Variants in SLC41A2 observed in about 807,000 individuals in gnomAD.
SLC41A2 encodes SLC41A1-like 1.
A neutral mutation model predicts 58.3 loss-of-function variants in SLC41A2; 32 were observed. That is an observed-to-expected ratio of 0.55 (90% CI 0.41 to 0.74). The LOEUF (loss-of-function observed/expected upper bound fraction) is 0.74. Among genes scored for constraint, SLC41A2 ranks in the 30% least tolerant of loss-of-function variants. SLC41A2 has a pLI of 0.00. For missense variants in SLC41A2, 514 were observed against 680.6 expected, an observed-to-expected ratio of 0.76 and a Z score of 2.72; for synonymous variants, 190 against 235.0, an observed-to-expected ratio of 0.81 and a Z score of 1.75.
At chr12:104,845,732 G>T (rs966109461) in intron 9 of SLC41A2, 111 bp downstream of exon 9, 1 of 1,119,044 alleles carries the variant, frequency 8.9e-7, no homozygotes, top group African/African-American at 1.6e-5. Flanking sequence ...CTCAGAAATC[G>T]GAAAGTTGAG....
At chr12:104,889,805 T>C (rs2044859470) in intron 4 of SLC41A2, among the ~76,000 whole-genome samples, 1 of 152,082 alleles carries the variant, frequency 6.6e-6, no homozygotes, top group Non-Finnish European at 1.5e-5. Context: ...AAAATTTCAG[T>C]TCCTAATCAG....
intron 6 of SLC41A2, among the ~76,000 whole-genome samples, chr12:104,870,413 A>C (rs1366100922): frequency 6.6e-6 from 1 of 152,232 alleles, no homozygotes; most frequent in Non-Finnish European, 1.5e-5. Flanking sequence ...CCAGAACTGT[A>C]AAAACAAAAC....
chr12:104,861,292 A>G lies in SLC41A2; in HGVS notation c.1254T>C (p.Asn418=). Residue 418 remains asparagine (N), a splice_region_variant and synonymous_variant, in exon 8 of 11, where the codon AAT becomes AAC. Coordinates refer to ENST00000258538, the MANE Select transcript of SLC41A2 (RefSeq NM_001352171.3). ...TGAAACAGTATATCTAATTCTTACC[A>G]TTAATAACTGGCGTGTAAACAACAA... ...VGIVVYTPVI[N]GIGGNLVAIQ... is the part of the protein sequence containing the mutation. 2 of 1,606,724 alleles carry G rather than the reference A, an allele frequency of 1.2e-6. No individual in the cohort carries two copies. The highest frequency in any genetic ancestry group is 1.7e-6 in the Non-Finnish European group (2 of 1,173,698).
chr12:104,868,860 T>C (rs902607868), intron 6 of SLC41A2, among the ~76,000 whole-genome samples: 4 of 152,130 alleles, frequency 2.6e-5, no homozygotes, highest in Non-Finnish European at 4.4e-5. Flanking sequence ...TTGAAAACAT[T>C]ATGCTAAGTG....
At chr12:104,856,103 G>A (rs566112232) in intron 8 of SLC41A2, among the ~76,000 whole-genome samples, 1 of 152,264 alleles carries the variant, frequency 6.6e-6, no homozygotes, top group East Asian at 1.9e-4. Context: ...TTTCTAATAA[G>A]ATCCCAAGTG....
intron 2 of SLC41A2, among the ~76,000 whole-genome samples, chr12:104,920,575 G>GAAAAA (rs1299698193): frequency 3.9e-5 from 6 of 151,920 alleles, no homozygotes. Flanking sequence ...AAAAGAAAAA[G>GAAAAA]AAAAACAGCC....
intron 1 of SLC41A2, among the ~76,000 whole-genome samples, chr12:104,942,428 T>C (rs1455025049): frequency 1.3e-5 from 2 of 149,530 alleles, no homozygotes; most frequent in Non-Finnish European, 3.0e-5. Flanking sequence ...TAGTAAGCCA[T>C]GATCATATCA....
At chr12:104,850,138 C>T (rs867445435) in intron 8 of SLC41A2, among the ~76,000 whole-genome samples, 5 of 152,134 alleles carry the variant, frequency 3.3e-5, no homozygotes, top group South Asian at 2.1e-4. Flanking sequence ...AATCAGAAGG[C>T]AGCAATCCTC....
chr12:104,934,140 C>A (rs1011123365), intron 1 of SLC41A2, among the ~76,000 whole-genome samples: 4 of 151,768 alleles, frequency 2.6e-5, no homozygotes, highest in African/African-American at 9.7e-5. Context: ...AAATTTAAAT[C>A]ATTTGTTCTA....
chr12:104,954,310 CT>C (rs2048066694), intron 1 of SLC41A2, among the ~76,000 whole-genome samples: 1 of 152,180 alleles, frequency 6.6e-6, no homozygotes, highest in African/African-American at 2.4e-5. Flanking sequence ...CTAAATATTT[CT>C]GTATTTGTTA....
chr12:104,942,308 G>A (rs991576431), intron 1 of SLC41A2, among the ~76,000 whole-genome samples: 20 of 151,846 alleles, frequency 1.3e-4, no homozygotes, highest in Non-Finnish European at 1.9e-4. Flanking sequence ...GCAGAAACCC[G>A]ACTCTACAAA....
At chr12:104,939,593 A>G (rs191430392) in intron 1 of SLC41A2, among the ~76,000 whole-genome samples, 24 of 152,356 alleles carry the variant, frequency 1.6e-4, no homozygotes, top group African/African-American at 5.3e-4. Context: ...AACTCTGCCT[A>G]TCGTACTGAA....
At chr12:104,910,819 AT>A (rs770235891) in intron 2 of SLC41A2, among the ~76,000 whole-genome samples, 4 of 152,190 alleles carry the variant, frequency 2.6e-5, no homozygotes, top group Non-Finnish European at 4.4e-5. Flanking sequence ...TTTCTTTGAC[AT>A]ATTTTTAATG....
chr12:104,915,812 T>C (rs1321618814), intron 2 of SLC41A2, among the ~76,000 whole-genome samples: 1 of 152,176 alleles, frequency 6.6e-6, no homozygotes, highest in Non-Finnish European at 1.5e-5. Context: ...CTATGTTGAA[T>C]AGGAGTGGTG....
chr12:104,924,169 T>C (rs1159525802), intron 2 of SLC41A2, among the ~76,000 whole-genome samples: 2 of 152,152 alleles, frequency 1.3e-5, no homozygotes, highest in Non-Finnish European at 2.9e-5. Flanking sequence ...AATATCCAAA[T>C]ATACATCATT....
intron 1 of SLC41A2, among the ~76,000 whole-genome samples, chr12:104,931,318 C>T (rs560978453): frequency 6.6e-5 from 10 of 152,252 alleles, no homozygotes; most frequent in Non-Finnish European, 1.5e-4. Context: ...AATCCATTTC[C>T]CTATTCCATG....
chr12:104,958,277 G>T lies in SLC41A2; in HGVS notation c.-357C>A, dbSNP rs1177481755. ...CTCCCGCGCCTCCTCGCGCGGCTGC[G>T]GCCCCAAGCTGACAGCCCGGCCGTC... On this transcript the variant is annotated 5_prime_UTR_variant, in exon 1 of 11. Transcript: ENST00000258538. 2 of 150,538 alleles carry T rather than the reference G, an allele frequency of 1.3e-5. No homozygotes were observed. Among genetic ancestry groups the T allele is most frequent in the Admixed American group, 1.3e-4 (2 of 15,102 alleles). 9.3% of individuals were successfully genotyped at this position (150,538 alleles called of 1,614,324 possible).
At chr12:104,879,859 G>C (rs1301004460) in intron 6 of SLC41A2, among the ~76,000 whole-genome samples, 11 of 151,910 alleles carry the variant, frequency 7.2e-5, no homozygotes, top group Admixed American at 7.2e-4. Context: ...TGATGGGAAT[G>C]GCATCCCCAT....
intron 7 of SLC41A2, 39 bp downstream of exon 7, chr12:104,866,381 TACACACACACAC>T (rs57548373): frequency 2.8e-4 from 404 of 1,427,030 alleles, no homozygotes; most frequent in African/African-American, 2.6e-3. Flanking sequence ...CAGACAGACG[TACACACACACAC>T]ACACACACAC....
Sources: allele counts gnomAD v4.1 joint callset (sites outside exome capture counted in the v4.1 genomes callset), GRCh38; gene constraint gnomAD v4.1.1; transcripts MANE v1.5; gene names NCBI Gene and HGNC (gene_info 2026-07-23, HGNC 2026-07-21).